STAT4: variants seen among roughly 807,000 people sequenced by gnomAD.
STAT4 encodes the protein signal transducer and activator of transcription 4.
STAT4 carries 42 observed loss-of-function variants against 110.5 expected under a neutral mutation model. That is an observed-to-expected ratio of 0.38 (90% CI 0.30 to 0.49). The LOEUF (loss-of-function observed/expected upper bound fraction) is 0.49, where lower values mean the gene tolerates loss of function less well. Ranked by LOEUF, STAT4 falls within the 20% of genes least tolerant of loss-of-function variation. The pLI is 0.95. For synonymous variants in STAT4, 284 were observed against 302.2 expected (o/e 0.94, Z 0.63); for missense variants, 632 against 887.9 (o/e 0.71, Z 3.66).
At position 191,035,518 on chromosome 2, in the gene STAT4, A is replaced by C. The variant is rs1347732402; in HGVS notation, c.1570+646T>G. On this transcript the variant is annotated intron_variant, in intron 17 of 23. Coordinates refer to ENST00000392320, the MANE Select transcript of STAT4 (RefSeq NM_003151.4). The surrounding 1 kb of genome is among the most constrained non-coding windows in gnomAD (Gnocchi z 4.7). ...CTCTTTTTTTGGTGTTAAATATGTTAAACCCTGACTTGTCAAAATACAGAT... is the reference window on the plus strand; with the variant it reads ...CTCTTTTTTTGGTGTTAAATATGTTCAACCCTGACTTGTCAAAATACAGAT... Among the ~76,000 whole-genome samples the C allele has an allele frequency of 1.3e-5, 2 of 152,222 alleles. No homozygotes were observed. The highest frequency in any genetic ancestry group is 4.8e-5 in the African/African-American group (2 of 41,454).
chr2:191,058,678 A>G lies in STAT4; in HGVS notation c.1094+32T>C. The G allele has an allele frequency of 7.4e-7, 1 of 1,360,232 alleles. No homozygotes were observed. Among genetic ancestry groups the G allele is most frequent in the Non-Finnish European group, 1.0e-6 (1 of 969,724 alleles). 84.3% of individuals were successfully genotyped at this position (1,360,232 alleles called of 1,614,324 possible). On this transcript the variant is annotated intron_variant, in intron 11 of 23. Coordinates refer to ENST00000392320, the MANE Select transcript of STAT4 (RefSeq NM_003151.4). This position sits in a 1 kb window ranked among gnomAD's most constrained non-coding sequence, Gnocchi z 4.3. ...CATTTTTAAAAGTCTTACATTTGGA[A>G]TTGTAATTCAAAACGAAATTAGAAA...
At chr2:191,125,194 A>T (rs1698842437) in intron 3 of STAT4, among the ~76,000 whole-genome samples, 1 of 152,146 alleles carries the variant, frequency 6.6e-6, no homozygotes, top group Non-Finnish European at 1.5e-5. Flanking sequence ...TATGGTACAG[A>T]TTATCTTCCC....
intron 3 of STAT4, among the ~76,000 whole-genome samples, chr2:191,092,084 A>G (rs1248288891): frequency 6.6e-6 from 1 of 152,216 alleles, no homozygotes; most frequent in Admixed American, 6.5e-5. Flanking sequence ...TCAATCCAGA[A>G]GTAAAAGTTG....
intron 3 of STAT4, among the ~76,000 whole-genome samples, chr2:191,078,157 GAA>G: frequency 6.6e-6 from 1 of 152,062 alleles, no homozygotes; most frequent in Middle Eastern, 3.4e-3. Context: ...ATGTAAACTT[GAA>G]AACTCTTGCC....
Position 191,058,345 on chromosome 2 carries a change from T to C in STAT4, c.1095-126A>G. ...CAGAGTCTCGCTCTGTCGTCCAGGC[T>C]GGAGTGCAGTGGTGCAATCTTGGCT... On this transcript the variant is annotated intron_variant, in intron 11 of 23. Coordinates refer to ENST00000392320, the MANE Select transcript of STAT4 (RefSeq NM_003151.4). The surrounding 1 kb of genome is among the most constrained non-coding windows in gnomAD (Gnocchi z 4.3). The C allele has an allele frequency of 1.1e-6, 1 of 949,872 alleles. No individual in the cohort carries two copies. The highest frequency in any genetic ancestry group is 1.5e-6 in the Non-Finnish European group (1 of 647,030). The allele number at this position is 949,872 out of a possible 1,614,324, so 58.8% of individuals were successfully genotyped here. A position where few individuals can be genotyped will look rare whatever the true frequency, so the allele number is the denominator to read the frequency against.
intron 3 of STAT4, chr2:191,122,088 G>A (rs1698752064): frequency 1.3e-5 from 2 of 151,924 alleles, no homozygotes; most frequent in South Asian, 4.2e-4. Context: ...AAGTGCTTGA[G>A]GGGATGGAAA....
At chr2:191,080,185 A>G (rs1056662510) in intron 3 of STAT4, among the ~76,000 whole-genome samples, 1 of 152,142 alleles carries the variant, frequency 6.6e-6, no homozygotes, top group Non-Finnish European at 1.5e-5. Flanking sequence ...TACAAAGTAT[A>G]CCACAATGCT....
At chr2:191,136,566 A>G (rs1470025268) in intron 3 of STAT4, among the ~76,000 whole-genome samples, 1 of 152,200 alleles carries the variant, frequency 6.6e-6, no homozygotes, top group African/African-American at 2.4e-5. Flanking sequence ...AGCCTGGTCA[A>G]CACAGTGAAA....
At chr2:191,120,456 G>A (rs573324841) in intron 3 of STAT4, among the ~76,000 whole-genome samples, 1 of 152,232 alleles carries the variant, frequency 6.6e-6, no homozygotes, top group Admixed American at 6.5e-5. Flanking sequence ...ATGGTGGCAT[G>A]CTAGTGAGCC....
At chr2:191,069,942 G>A (rs910892563) in intron 5 of STAT4, among the ~76,000 whole-genome samples, 171 bp from the exon 6 acceptor site, 1 of 152,192 alleles carries the variant, frequency 6.6e-6, no homozygotes, top group Non-Finnish European at 1.5e-5. Flanking sequence ...GTTGGATAAT[G>A]TTGGAAGAAC....
Position 191,051,758 on chromosome 2 carries a change from A to G in STAT4, c.1251+2732T>C, listed in dbSNP as rs1308392695. ...GAAGGTTCTGCGACCCAGAGGCAGC[A>G]TAGCAGAGGGGCCAGGAGCAGGGAC... On this transcript the variant is annotated intron_variant, in intron 14 of 23. Transcript: ENST00000392320. The surrounding 1 kb of genome is among the most constrained non-coding windows in gnomAD (Gnocchi z 5.6). 6.6e-6 allele frequency among the ~76,000 whole-genome samples: 1 copy of G among 152,082 alleles called. No homozygotes were observed.
chr2:191,036,218 C>A lies in STAT4; in HGVS notation c.1516G>T (p.Val506Phe). Residue 506 changes from valine (V) to phenylalanine (F), a missense_variant, in exon 17 of 24, where the codon GTT (valine) becomes TTT (phenylalanine). By Grantham distance (50) the Val-to-Phe change is conservative. This residue lies in a region of STAT4 where 488 missense variants were observed against 632.8 expected (regional missense o/e 0.77). Transcript: ENST00000392320. ...EVMSWQFSSY[V>F]GRGLNSDQLH... ...TGATCTGAGTTAAGACCACGACCAA[C>A]GTACGATGAAAACTGCCAGCTCATC... 1 of 1,614,130 alleles carries A rather than the reference C, an allele frequency of 6.2e-7. No individual in the cohort carries two copies. The highest frequency in any genetic ancestry group is 8.5e-7 in the Non-Finnish European group (1 of 1,180,030).
intron 3 of STAT4, among the ~76,000 whole-genome samples, chr2:191,115,709 G>A (rs1031638427): frequency 6.6e-6 from 1 of 152,154 alleles, no homozygotes; most frequent in African/African-American, 2.4e-5. Flanking sequence ...GAGAATCTTA[G>A]GTTACATTAA....
At chr2:191,088,169 A>C (rs1697688788) in intron 3 of STAT4, among the ~76,000 whole-genome samples, 1 of 152,214 alleles carries the variant, frequency 6.6e-6, no homozygotes, top group Admixed American at 6.5e-5. Flanking sequence ...GAAAATCCCA[A>C]AGAACAACAA....
chr2:191,065,473 C>T (rs923675831), intron 7 of STAT4, among the ~76,000 whole-genome samples: 5 of 152,080 alleles, frequency 3.3e-5, no homozygotes, highest in African/African-American at 1.2e-4. Flanking sequence ...TTATTGTAAG[C>T]TATATGAACA....
rs746974489 is a variant in STAT4 at position 191,064,894 on chromosome 2, A to G, written c.695T>C (p.Ile232Thr). The G allele has an allele frequency of 1.9e-6, 3 of 1,613,406 alleles. No homozygotes were observed. Among genetic ancestry groups the G allele is most frequent in the South Asian group, 1.1e-5 (1 of 90,982 alleles). Residue 232 changes from isoleucine to threonine, a missense_variant, in exon 8 of 24, where the codon ATA becomes ACA. This residue lies in a region of STAT4 where 488 missense variants were observed against 632.8 expected (regional missense o/e 0.77). Transcript: ENST00000392320. ...CCGCTTCCAGTCTTGCAGCTCTTCT[A>G]TGAGCATGGTGTTCATTAACAGGTC... ...ETDLLMNTML[I>T]EELQDWKRRQ...
rs150774971 is a variant in STAT4 at position 191,134,614 on chromosome 2, A to C, written c.273+11999T>G. Among the ~76,000 whole-genome samples, 691 of 152,176 alleles carry C rather than the reference A, an allele frequency of 4.5e-3. 5 individuals are homozygous for C. The highest frequency in any genetic ancestry group is 0.016 in the African/African-American group (656 of 41,502). On this transcript the variant is annotated intron_variant, in intron 3 of 23. Transcript: ENST00000392320. The stretch of plus-strand genomic sequence containing the variant: ...GTTTATAGCCAAAGAAATTACACAG[A>C]GACTACACTACTGTACACACTCAGA...
At position 191,110,220 on chromosome 2, in the gene STAT4, A is replaced by T. The variant is rs1435047891; in HGVS notation, c.274-33895T>A. On this transcript the variant is annotated intron_variant, in intron 3 of 23. Transcript: ENST00000392320. This position sits in a 1 kb window ranked among gnomAD's most constrained non-coding sequence, Gnocchi z 4.5. Reference sequence around the variant, plus strand: ...GATTTGTGTTGATGTCAGTGCTAAGAAGAAAAGGTCTTCTTCAGGCCTTTA... The same window carrying T: ...GATTTGTGTTGATGTCAGTGCTAAGTAGAAAAGGTCTTCTTCAGGCCTTTA... Among the ~76,000 whole-genome samples, 2 of 152,148 alleles carry T rather than the reference A, an allele frequency of 1.3e-5. No homozygotes were observed. The highest frequency in any genetic ancestry group is 6.5e-5 in the Admixed American group (1 of 15,282).
rs778632183 is a variant in STAT4, at chr2:191,039,265, A to G, written c.1368T>C (p.Asn456=). The G allele has an allele frequency of 9.0e-5, 146 of 1,614,082 alleles. 3 individuals carry two copies. The South Asian group carries it at 1.2e-3, about 13-fold the overall frequency. ...CCCAAGCATTAGGTAACTGACTGAC[A>G]TTGGAAATCATCACCACAGGCAATG... is the stretch of plus-strand genomic sequence containing the variant. ...TSSLPVVMIS[N]VSQLPNAWAS... The change falls in exon 16 of 24, where the codon AAT becomes AAC. Residue 456 remains asparagine, a synonymous_variant. Coordinates refer to ENST00000392320, the MANE Select transcript of STAT4 (RefSeq NM_003151.4). The surrounding 1 kb of genome is among the most constrained non-coding windows in gnomAD (Gnocchi z 4.7).
Sources: gnomAD v4.1 joint callset for allele counts (sites outside exome capture counted in the v4.1 genomes callset) on GRCh38, gnomAD v4.1.1 for gene constraint, gnomAD v4.1.1 regional missense constraint, Gnocchi (gnomAD v3.1) non-coding constraint, MANE v1.5 for transcripts, NCBI Gene and HGNC (gene_info 2026-07-23, HGNC 2026-07-21) for gene names.